Variants in NIPA1 observed in about 807,000 individuals in gnomAD.
NIPA1 encodes the protein magnesium transporter NIPA1.
In NIPA1, 13 loss-of-function variants were observed where a neutral mutation model predicts 23.9. The observed-to-expected ratio is 0.54, with a 90% confidence interval of 0.35 to 0.87. The LOEUF (loss-of-function observed/expected upper bound fraction) is 0.87. Ranked by LOEUF, NIPA1 falls within the 40% of genes least tolerant of loss-of-function variation. The probability of loss-of-function intolerance (pLI) is 0.01; values close to 1 mark genes in which losing one functional copy is unlikely to be tolerated. For synonymous variants in NIPA1, 234 were observed against 202.9 expected, an observed-to-expected ratio of 1.15 and a Z score of -1.30; for missense variants, 362 against 429.7, an observed-to-expected ratio of 0.84 and a Z score of 1.39.
chr15:22,814,030 A>G, intron 3 of NIPA1: 1 of 892,664 alleles, frequency 1.1e-6, no homozygotes. Flanking sequence ...GTTCTCATGC[A>G]CTTTGATGAT....
At chr15:22,794,873 C>T (rs1007066357) in intron 1 of NIPA1, among the ~76,000 whole-genome samples, 1 of 152,070 alleles carries the variant, frequency 6.6e-6, no homozygotes, top group Admixed American at 6.6e-5. Context: ...ATGTCCTCAG[C>T]ACCCCCGGCC....
At chr15:22,799,792 A>G (rs1895031164) in intron 1 of NIPA1, among the ~76,000 whole-genome samples, 1 of 136,300 alleles carries the variant, frequency 7.3e-6, no homozygotes, top group African/African-American at 2.5e-5. Context: ...AAAAAAAAAA[A>G]AAAATTAGGC....
intron 3 of NIPA1, among the ~76,000 whole-genome samples, chr15:22,814,494 C>T (rs1312068738): frequency 6.6e-6 from 1 of 152,036 alleles, no homozygotes; most frequent in Admixed American, 6.6e-5. Context: ...AGCCACCACG[C>T]CTGGCCAATA....
intron 3 of NIPA1, among the ~76,000 whole-genome samples, chr15:22,815,311 A>G (rs1012999555): frequency 6.6e-6 from 1 of 152,136 alleles, no homozygotes; most frequent in African/African-American, 2.4e-5. Flanking sequence ...TTATGCCATT[A>G]TTTTATGTCA....
chr15:22,792,769 C>T (rs1894859460), intron 1 of NIPA1, among the ~76,000 whole-genome samples: 1 of 151,868 alleles, frequency 6.6e-6, no homozygotes, highest in Non-Finnish European at 1.5e-5. Context: ...GCCTGGCCAG[C>T]GTGGTGAAAC....
At chr15:22,809,300 T>C (rs1469074487) in intron 1 of NIPA1, among the ~76,000 whole-genome samples, 1 of 151,928 alleles carries the variant, frequency 6.6e-6, no homozygotes, top group Non-Finnish European at 1.5e-5. Context: ...AGCATGAGAA[T>C]TGCTTGAACC....
At position 22,796,397 on chromosome 15, in the gene NIPA1, C is replaced by A. The variant is rs567923636; in HGVS notation, c.178+9563C>A. On this transcript the variant is annotated intron_variant, in intron 1 of 4. Coordinates refer to ENST00000337435, the MANE Select transcript of NIPA1 (RefSeq NM_144599.5). ...TTGGTCTTACTGAATTGCTGTTGGA[C>A]AGAATATATTTTGCCCTCAAAAATA... Among the ~76,000 whole-genome samples, 20 of 152,152 alleles carry A rather than the reference C, an allele frequency of 1.3e-4. 1 individual carries two copies. The highest frequency in any genetic ancestry group is 6.2e-4 in the South Asian group (3 of 4,814).
chr15:22,811,359 G>A (rs1021528026), intron 2 of NIPA1, among the ~76,000 whole-genome samples: 9 of 152,186 alleles, frequency 5.9e-5, no homozygotes, highest in African/African-American at 1.9e-4. Flanking sequence ...TGTAATCCCA[G>A]CACTTTGGGA....
intron 2 of NIPA1, among the ~76,000 whole-genome samples, chr15:22,811,863 A>G (rs1566784417): frequency 6.6e-6 from 1 of 152,152 alleles, no homozygotes; most frequent in Non-Finnish European, 1.5e-5. Flanking sequence ...TTGTGTGAAA[A>G]CAAGGATGTG....
In NIPA1 at chr15:22,799,217, C is replaced by T. The variant is rs1895010807; in HGVS notation, c.179-11532C>T. Among the ~76,000 whole-genome samples, 4 of 152,234 alleles carry T rather than the reference C, an allele frequency of 2.6e-5. No individual in the cohort carries two copies. In the South Asian group the frequency reaches 8.3e-4, roughly 32 times the overall value. ...AGTTGACCAGATAAAGAAAATGTGA[C>T]ACATATACACATATGGAATACTATG... On this transcript the variant is annotated intron_variant, in intron 1 of 4. Transcript: ENST00000337435.
At position 22,823,923 on chromosome 15, in the gene NIPA1, G is replaced by C; in HGVS notation, c.674G>C (p.Arg225Thr). ...TTGCATAACAACCCGTCCAGTCAGAGAGCCCTCTGCCTGTGCCTGGTACTC... is the reference window on the plus strand; with the variant it reads ...TTGCATAACAACCCGTCCAGTCAGACAGCCCTCTGCCTGTGCCTGGTACTC... ...DILHNNPSSQ[R>T]ALCLCLVLLA... Residue 225 changes from arginine (R) to threonine (T), a missense_variant, in exon 5 of 5, where the codon AGA becomes ACA. Coordinates refer to ENST00000337435, the MANE Select transcript of NIPA1 (RefSeq NM_144599.5). 6.2e-7 allele frequency: 1 copy of C among 1,614,216 alleles called. No individual in the cohort carries two copies. The highest frequency in any genetic ancestry group is 8.5e-7 in the Non-Finnish European group (1 of 1,180,024).
At chr15:22,822,881 C>G (rs553896020) in intron 4 of NIPA1, among the ~76,000 whole-genome samples, 2 of 149,234 alleles carry the variant, frequency 1.3e-5, no homozygotes, top group Non-Finnish European at 3.0e-5. Context: ...AATAGAGGAC[C>G]ATGTAAACAT....
chr15:22,812,676 T>C (rs1895343827), intron 3 of NIPA1, among the ~76,000 whole-genome samples: 1 of 152,118 alleles, frequency 6.6e-6, no homozygotes, highest in Non-Finnish European at 1.5e-5. Flanking sequence ...AAGATAGATC[T>C]TCAGTATTCT....
At chr15:22,813,748 C>T (rs143554718) in intron 3 of NIPA1, 26 of 451,454 alleles carry the variant, frequency 5.8e-5, no homozygotes, top group African/African-American at 3.6e-4. Flanking sequence ...TTTTCACATG[C>T]GACGCCTTGA....
At position 22,824,226 on chromosome 15, in the gene NIPA1, T is replaced by C. The variant is rs772401687; in HGVS notation, c.977T>C (p.Met326Thr). The C allele has an allele frequency of 8.7e-6, 14 of 1,613,240 alleles. No homozygotes were observed. The highest frequency in any genetic ancestry group is 6.7e-5 in the Admixed American group (4 of 60,006). The change falls in exon 5 of 5, where the codon ATG (methionine) becomes ACG (threonine). Residue 326 changes from methionine (M) to threonine (T), a missense_variant. Met to Thr is a moderately conservative substitution (Grantham distance 81). Around this residue, in one of 2 missense-constraint regions of NIPA1, gnomAD observed 277 missense variants for 372.0 expected, o/e 0.74. Coordinates refer to ENST00000337435, the MANE Select transcript of NIPA1 (RefSeq NM_144599.5). The surrounding 1 kb of genome is among the most constrained non-coding windows in gnomAD (Gnocchi z 4.1). ...CTTGGGGAGATGAACAAATCTAATA[T>C]GAAAACAGACTAGATTGCAATAGGA... The part of the protein sequence containing the change: ...FNLGEMNKSN[M>T]KTD
At position 22,824,793 on chromosome 15, in the gene NIPA1, A is replaced by AC. The variant is rs1895616191; in HGVS notation, c.*557dup. ...AGTTGACTCTTCGACCCCCACCCCC[A>AC]CCCAAGACATTTTAATAGTAAATAG... On this transcript the variant is annotated 3_prime_UTR_variant, in exon 5 of 5. Transcript: ENST00000337435. The surrounding 1 kb of genome is among the most constrained non-coding windows in gnomAD (Gnocchi z 4.1). 1 of 67,058 alleles carries AC rather than the reference A, an allele frequency of 1.5e-5. No individual in the cohort carries two copies. The highest frequency in any genetic ancestry group is 1.5e-4 in the Admixed American group (1 of 6,748). The allele number at this position is 67,058 out of a possible 1,614,324, so 4.2% of individuals were successfully genotyped here. A position where few individuals can be genotyped will look rare whatever the true frequency, so the allele number is the denominator to read the frequency against.
chr15:22,808,198 G>A (rs1340861733), intron 1 of NIPA1, among the ~76,000 whole-genome samples: 2 of 152,066 alleles, frequency 1.3e-5, no homozygotes, highest in South Asian at 2.1e-4. Flanking sequence ...TCAAGTATTC[G>A]GCATGCATTT....
At chr15:22,793,494 G>A (rs1894877825) in intron 1 of NIPA1, among the ~76,000 whole-genome samples, 1 of 151,476 alleles carries the variant, frequency 6.6e-6, no homozygotes, top group South Asian at 2.1e-4. Context: ...AGGCTGGAGT[G>A]CAATGGCGTG....
Position 22,796,096 on chromosome 15 carries a change from T to A in NIPA1, c.178+9262T>A, listed in dbSNP as rs149116865. 5.6e-3 allele frequency among the ~76,000 whole-genome samples: 847 copies of A among 150,336 alleles called. 8 individuals carry two copies. Among genetic ancestry groups the A allele is most frequent in the South Asian group, 0.025 (118 of 4,730 alleles). ...CTGCATCTAGCTAATTTTTATATAT[T>A]TTTTTTTTAGAGACAAGATCTTGCT... On this transcript the variant is annotated intron_variant, in intron 1 of 4. Transcript: ENST00000337435.
Sources: gnomAD v4.1 joint callset for allele counts (sites outside exome capture counted in the v4.1 genomes callset) on GRCh38, gnomAD v4.1.1 for gene constraint, gnomAD v4.1.1 regional missense constraint, Gnocchi (gnomAD v3.1) non-coding constraint, MANE v1.5 for transcripts, NCBI Gene and HGNC (gene_info 2026-07-23, HGNC 2026-07-21) for gene names.